AHCTF1: variants seen among roughly 807,000 people sequenced by gnomAD.
AHCTF1 encodes protein ELYS.
AHCTF1 carries 24 observed loss-of-function variants against 248.4 expected under a neutral mutation model. The ratio of observed to expected loss-of-function variants is 0.10; its 90% confidence interval spans 0.07 to 0.14. The LOEUF (loss-of-function observed/expected upper bound fraction) is 0.14, where lower values mean the gene tolerates loss of function less well. Ranked by LOEUF, AHCTF1 falls within the 10% of genes least tolerant of loss-of-function variation. AHCTF1 has a pLI of 1.00. For missense variants in AHCTF1, 2,206 were observed against 2,636.2 expected, an observed-to-expected ratio of 0.84 and a Z score of 3.57; for synonymous variants, 786 against 929.8, an observed-to-expected ratio of 0.85 and a Z score of 2.81.
intron 4 of AHCTF1, among the ~76,000 whole-genome samples, chr1:246,909,640 A>C (rs1271645455): frequency 6.6e-6 from 1 of 152,180 alleles, no homozygotes; most frequent in Non-Finnish European, 1.5e-5. Context: ...CAATTCAGAT[A>C]TGCCAAAGAG....
Position 246,876,181 on chromosome 1 carries a change from G to A in AHCTF1, c.2944C>T (p.Arg982Cys), listed in dbSNP as rs759734529. ...GATCTCTCCCGCAAACGAGGATCAC[G>A]ATCATTCTATTAAACATCAAAATTG... ...QTLKINVMND[R>C]DPRLRERSLA... is the part of the protein sequence containing the mutation. The change falls in exon 24 of 36, where the codon CGT becomes TGT. Residue 982 changes from arginine to cysteine, a missense_variant. Physicochemically the swap from Arg to Cys is radical, Grantham distance 180. This residue lies in a region of AHCTF1 where 955 missense variants were observed against 1,055.6 expected (regional missense o/e 0.90). Coordinates refer to ENST00000648844, the MANE Select transcript of AHCTF1 (RefSeq NM_001323342.2). 3.1e-6 allele frequency: 5 copies of A among 1,591,228 alleles called. No homozygotes were observed. The highest frequency in any genetic ancestry group is 1.7e-5 in the Admixed American group (1 of 58,366).
At chr1:246,922,532 CTCTCG>C (rs1666614926) in intron 1 of AHCTF1, among the ~76,000 whole-genome samples, 1 of 151,020 alleles carries the variant, frequency 6.6e-6, no homozygotes, top group African/African-American at 2.4e-5. Context: ...CTCTAGCAAT[CTCTCG>C]TCTCGTGCCA....
At chr1:246,855,977 T>C in intron 30 of AHCTF1, 150 bp from the exon 31 acceptor site, 1 of 499,896 alleles carries the variant, frequency 2.0e-6, no homozygotes, top group South Asian at 3.8e-5. Flanking sequence ...AACAATAATA[T>C]AAAATTTAAA....
intron 4 of AHCTF1, among the ~76,000 whole-genome samples, chr1:246,911,873 G>A (rs779139911): frequency 6.6e-6 from 1 of 152,026 alleles, no homozygotes; most frequent in South Asian, 2.1e-4. Flanking sequence ...TTTAAGTTTT[G>A]TTCAGATGAT....
At chr1:246,889,761 CT>C (rs1664089635) in intron 17 of AHCTF1, among the ~76,000 whole-genome samples, 1 of 152,172 alleles carries the variant, frequency 6.6e-6, no homozygotes, top group African/African-American at 2.4e-5. Flanking sequence ...CTTTCTTTGT[CT>C]ATTACCTTTA....
Position 246,888,237 on chromosome 1 carries a change from TA to T in AHCTF1, c.2269-5del. 1 of 1,614,094 alleles carries T rather than the reference TA, an allele frequency of 6.2e-7. No individual in the cohort carries two copies. Among genetic ancestry groups the T allele is most frequent in the Non-Finnish European group, 8.5e-7 (1 of 1,179,950 alleles). On this transcript the variant is annotated splice_region_variant and splice_polypyrimidine_tract_variant and intron_variant, in intron 18 of 35. Coordinates refer to ENST00000648844, the MANE Select transcript of AHCTF1 (RefSeq NM_001323342.2). Reference sequence around the variant, plus strand: ...ATAGGTACATATCAAGTACTGCCTATAAAACAAAGGGATAAAACCTTCAGTG... The same window carrying T: ...ATAGGTACATATCAAGTACTGCCTATAAACAAAGGGATAAAACCTTCAGTG...
In AHCTF1 at chr1:246,851,001, C is replaced by T. The variant is rs1391634376; in HGVS notation, c.5005G>A (p.Ala1669Thr). 2.5e-6 allele frequency: 4 copies of T among 1,613,976 alleles called. No individual in the cohort carries two copies. In the South Asian group the frequency reaches 4.4e-5, roughly 18 times the overall value. The change falls in exon 33 of 36, where the codon GCA (alanine) becomes ACA (threonine). Residue 1669 changes from alanine to threonine, a missense_variant. Ala to Thr is a moderately conservative substitution (Grantham distance 58, BLOSUM62 0). Transcript: ENST00000648844. Reference sequence around the variant, plus strand: ...TTAATTACATCTAGTAAATTTTCTGCAATTGCTACTTTAATAGGTTCAGGC... The same window carrying T: ...TTAATTACATCTAGTAAATTTTCTGTAATTGCTACTTTAATAGGTTCAGGC... ...YVPEPIKVAI[A>T]ENLLDVIKDT...
At chr1:246,889,398 A>G (rs1023633165) in intron 17 of AHCTF1, among the ~76,000 whole-genome samples, 1 of 152,182 alleles carries the variant, frequency 6.6e-6, no homozygotes, top group Non-Finnish European at 1.5e-5. Context: ...TTAGCTTTAT[A>G]CTGACTTTAT....
chr1:246,906,567 G>T (rs772530229), intron 5 of AHCTF1, among the ~76,000 whole-genome samples: 2 of 152,008 alleles, frequency 1.3e-5, no homozygotes, highest in Non-Finnish European at 2.9e-5. Flanking sequence ...GGGCAACAGA[G>T]TGAGACCCCA....
rs1033341716 is a variant in AHCTF1 at position 246,877,239 on chromosome 1, T to A, written c.2724A>T (p.Leu908Phe). 2 of 1,613,432 alleles carry A rather than the reference T, an allele frequency of 1.2e-6. No homozygotes were observed. The highest frequency in any genetic ancestry group is 1.7e-6 in the Non-Finnish European group (2 of 1,179,794). The change falls in exon 22 of 36, where the codon TTA becomes TTT. Residue 908 changes from leucine (L) to phenylalanine (F), a missense_variant. Coordinates refer to ENST00000648844, the MANE Select transcript of AHCTF1 (RefSeq NM_001323342.2). ...QHCNRLNIEE[L>F]LKHMYEVCQE... ...GACAGACTTCATACATGTGCTTCAG[T>A]AACTCCTCTATATTCAACCTATTGC...
intron 5 of AHCTF1, among the ~76,000 whole-genome samples, chr1:246,906,433 C>A (rs557643676): frequency 6.6e-5 from 10 of 151,694 alleles, no homozygotes; most frequent in Admixed American, 6.6e-4. Context: ...AATACAAAAA[C>A]TAGCTGGGTT....
chr1:246,917,605 G>C (rs1444120671), intron 2 of AHCTF1, among the ~76,000 whole-genome samples: 1 of 152,204 alleles, frequency 6.6e-6, no homozygotes, highest in African/African-American at 2.4e-5. Context: ...CATATAGAAA[G>C]TACTGTTGTT....
At chr1:246,865,543 A>G (rs1168112090) in intron 26 of AHCTF1, among the ~76,000 whole-genome samples, 1 of 152,198 alleles carries the variant, frequency 6.6e-6, no homozygotes, top group African/African-American at 2.4e-5. Context: ...TAAATTCTGT[A>G]CTTGGATTCG....
At chr1:246,920,799 A>C (rs556468722) in intron 1 of AHCTF1, among the ~76,000 whole-genome samples, 8 of 152,030 alleles carry the variant, frequency 5.3e-5, no homozygotes, top group Admixed American at 5.2e-4. Flanking sequence ...TTAAACAATA[A>C]AAGCATCCAG....
intron 35 of AHCTF1, among the ~76,000 whole-genome samples, chr1:246,841,637 A>C (rs951426373): frequency 2.6e-5 from 4 of 152,194 alleles, no homozygotes; most frequent in Admixed American, 6.5e-5. Flanking sequence ...AGGATTTTAA[A>C]GTGTATAATT....
In AHCTF1 at chr1:246,849,850, A is replaced by G. The variant is rs748688909; in HGVS notation, c.6156T>C (p.Thr2052=). ...MSSKKKLTKK[T]ESQSQKRSLH... Reference sequence around the variant, plus strand: ...ATGAACGTTTTTGGCTTTGACTTTCAGTCTTTTTTGTAAGTTTTTTCTTAG... The same window carrying G: ...ATGAACGTTTTTGGCTTTGACTTTCGGTCTTTTTTGTAAGTTTTTTCTTAG... The change falls in exon 33 of 36, where the codon ACT becomes ACC. Residue 2052 remains threonine (T), a synonymous_variant. Transcript: ENST00000648844. 3 of 1,613,646 alleles carry G rather than the reference A, an allele frequency of 1.9e-6. No homozygotes were observed. The East Asian group carries it at 6.7e-5, about 36-fold the overall frequency.
chr1:246,842,053 A>G (rs1404589549), intron 35 of AHCTF1, among the ~76,000 whole-genome samples: 3 of 148,674 alleles, frequency 2.0e-5, no homozygotes, highest in South Asian at 4.4e-4. Flanking sequence ...TCGGCCTCCC[A>G]AAGTGCTCGG....
In AHCTF1 at chr1:246,907,667, T is replaced by C; in HGVS notation, c.648A>G (p.Val216=). Residue 216 remains valine, a synonymous_variant, in exon 5 of 36, where the codon GTA becomes GTG. Coordinates refer to ENST00000648844, the MANE Select transcript of AHCTF1 (RefSeq NM_001323342.2). ...TTGAAACAGCTGTTCCTGTTGGACT[T>C]ACTAACTGGAAACACAGATGGCGCC... ...RQGRHLCFQL[V]SPTGTAVSTL... 6.2e-7 allele frequency: 1 copy of C among 1,613,906 alleles called. No homozygotes were observed. Among genetic ancestry groups the C allele is most frequent in the Non-Finnish European group, 8.5e-7 (1 of 1,179,848 alleles).
intron 29 of AHCTF1, 152 bp from the exon 30 acceptor site, chr1:246,857,966 T>TCTTC (rs58579338): frequency 1.1e-5 from 7 of 622,664 alleles, no homozygotes; most frequent in Admixed American, 7.2e-5. Context: ...ACTTTCTTCT[T>TCTTC]TTTTTTTTTT....
Sources: gnomAD v4.1 joint callset for allele counts (sites outside exome capture counted in the v4.1 genomes callset) on GRCh38, gnomAD v4.1.1 for gene constraint, gnomAD v4.1.1 regional missense constraint, MANE v1.5 for transcripts, NCBI Gene and HGNC (gene_info 2026-07-23, HGNC 2026-07-21) for gene names.